The following MGAT4C variants were observed in gnomAD, a reference collection of about 807,000 sequenced individuals.
MGAT4C encodes the protein alpha-1,3-mannosyl-glycoprotein 4-beta-N-acetylglucosaminyltransferase C.
MGAT4C carries 19 observed loss-of-function variants against 40.1 expected under a neutral mutation model. That is an observed-to-expected ratio of 0.47 (90% confidence interval 0.33 to 0.70). The LOEUF is 0.70. Among genes scored for constraint, MGAT4C ranks in the 30% least tolerant of loss-of-function variants. The pLI is 0.02. For missense variants in MGAT4C, 491 were observed against 563.2 expected (o/e 0.87, Z 1.30); for synonymous variants, 181 against 187.1 (o/e 0.97, Z 0.27).
rs1245261308 is a variant in MGAT4C, at chr12:86,303,722, A to C, written c.-57+30343T>G. On this transcript the variant is annotated intron_variant, in intron 4 of 7. Coordinates refer to the MGAT4C transcript ENST00000548651. ...ATTACCTTCTGTATACAGAAACATA[A>C]AAATTAATCCCTTAAAATTATATTA... Among the ~76,000 whole-genome samples, 5 of 150,756 alleles carry C rather than the reference A, an allele frequency of 3.3e-5. 1 individual carries two copies. In the East Asian group the frequency reaches 7.8e-4, roughly 23 times the overall value.
intron 2 of MGAT4C, among the ~76,000 whole-genome samples, chr12:85,999,510 T>C (rs1163625697): frequency 6.6e-6 from 1 of 151,346 alleles, no homozygotes; most frequent in Non-Finnish European, 1.5e-5. Context: ...CTATTCACAA[T>C]AGCCAAGATA....
At chr12:86,813,664 T>G (rs1952522693) in intron 1 of MGAT4C, among the ~76,000 whole-genome samples, 1 of 152,098 alleles carries the variant, frequency 6.6e-6, no homozygotes, top group Non-Finnish European at 1.5e-5. Flanking sequence ...AAAAATTGCC[T>G]TAGGTTTTAA....
rs1378678563 is a variant in MGAT4C, at chr12:86,112,584, T to C, written c.-56-62861A>G. Among the ~76,000 whole-genome samples, 4 of 151,932 alleles carry C rather than the reference T, an allele frequency of 2.6e-5. No homozygotes were observed. In the East Asian group the frequency reaches 7.7e-4, roughly 29 times the overall value. ...TAGAAATAAGAAAAATGGTTTCTAC[T>C]ATATGCTATTTATTTTTAGCAAATG... is the stretch of plus-strand genomic sequence containing the variant. On this transcript the variant is annotated intron_variant, in intron 1 of 4. Coordinates refer to ENST00000611864, the MANE Select transcript of MGAT4C (RefSeq NM_001351288.2).
chr12:86,268,009 AT>A lies in MGAT4C; in HGVS notation c.-57+66055del, dbSNP rs1331007327. On this transcript the variant is annotated intron_variant, in intron 4 of 7. Coordinates refer to the MGAT4C transcript ENST00000548651. ...TTGAAACTCATAGCGACATCCCCAG[AT>A]TCCTGGGGTGAAGTTAGATTTGAAG... is the stretch of plus-strand genomic sequence containing the variant. Among the ~76,000 whole-genome samples the A allele has an allele frequency of 1.1e-4, 16 of 152,238 alleles. No homozygotes were observed. The East Asian group carries it at 2.9e-3, about 28-fold the overall frequency.
chr12:86,360,497 A>G (rs979159321), intron 3 of MGAT4C, among the ~76,000 whole-genome samples: 5 of 152,198 alleles, frequency 3.3e-5, no homozygotes, highest in African/African-American at 1.2e-4. Flanking sequence ...ACAGTCAGGC[A>G]GGAGAAAGAA....
intron 2 of MGAT4C, among the ~76,000 whole-genome samples, chr12:86,540,415 G>A (rs986629692): frequency 6.6e-6 from 1 of 152,168 alleles, no homozygotes; most frequent in African/African-American, 2.4e-5. Flanking sequence ...CTGTATCAGG[G>A]TCAACATCTT....
chr12:86,492,406 G>A (rs1486692338), intron 2 of MGAT4C, among the ~76,000 whole-genome samples: 1 of 151,872 alleles, frequency 6.6e-6, no homozygotes, highest in African/African-American at 2.4e-5. Context: ...ATACTACAAT[G>A]TACAGTAACC....
chr12:86,211,557 G>A (rs1191890450), intron 1 of MGAT4C, among the ~76,000 whole-genome samples: 20 of 151,552 alleles, frequency 1.3e-4, no homozygotes, highest in Admixed American at 1.3e-3. Flanking sequence ...ACTGTGCTGC[G>A]GGCTGGGTGA....
At chr12:86,593,754 G>T (rs1961421992) in intron 2 of MGAT4C, among the ~76,000 whole-genome samples, 1 of 152,048 alleles carries the variant, frequency 6.6e-6, no homozygotes. Context: ...AATAGACTGA[G>T]ATTTTTTTCG....
At chr12:86,596,780 T>C (rs1356313731) in intron 2 of MGAT4C, among the ~76,000 whole-genome samples, 2 of 152,182 alleles carry the variant, frequency 1.3e-5, no homozygotes, top group African/African-American at 4.8e-5. Flanking sequence ...TGGCTATTGA[T>C]GCTACTTTTG....
intron 2 of MGAT4C, among the ~76,000 whole-genome samples, chr12:86,441,230 A>G (rs1222859235): frequency 1.3e-5 from 2 of 152,074 alleles, no homozygotes; most frequent in East Asian, 1.9e-4. Context: ...ACAAGGATAT[A>G]GTAACCAAAA....
intron 1 of MGAT4C, among the ~76,000 whole-genome samples, chr12:86,114,021 G>A (rs566346122): frequency 6.4e-4 from 97 of 151,950 alleles, no homozygotes; most frequent in African/African-American, 2.2e-3. Flanking sequence ...TGATAAGATT[G>A]TGAGTTCTCT....
intron 3 of MGAT4C, among the ~76,000 whole-genome samples, chr12:86,421,235 C>T (rs571254509): frequency 4.5e-4 from 68 of 152,022 alleles, no homozygotes; most frequent in African/African-American, 1.6e-3. Context: ...ATCAATTACA[C>T]AAAAAAAGTG....
At position 86,301,099 on chromosome 12, in the gene MGAT4C, T is replaced by C. The variant is rs138406788; in HGVS notation, c.-57+32966A>G. On this transcript the variant is annotated intron_variant, in intron 4 of 7. Transcript: ENST00000548651. ...CAACCCTTTACAATTTATCAAGTGA[T>C]AGTGCAATGTGTTGGTCCTCTTTAA... 3.0e-3 allele frequency among the ~76,000 whole-genome samples: 452 copies of C among 152,314 alleles called. 2 individuals carry two copies. The highest frequency in any genetic ancestry group is 0.01 in the African/African-American group (431 of 41,572).
chr12:86,377,935 C>T (rs1955861005), intron 3 of MGAT4C, among the ~76,000 whole-genome samples: 1 of 152,128 alleles, frequency 6.6e-6, no homozygotes, highest in African/African-American at 2.4e-5. Context: ...AATATAGATA[C>T]TTTATATAAG....
At chr12:86,711,329 A>G (rs1181614810) in intron 2 of MGAT4C, among the ~76,000 whole-genome samples, 1 of 152,130 alleles carries the variant, frequency 6.6e-6, no homozygotes, top group Non-Finnish European at 1.5e-5. Context: ...CTGAGATGCC[A>G]TCTTAGCTGC....
chr12:86,144,645 G>C (rs953244491), intron 1 of MGAT4C, among the ~76,000 whole-genome samples: 2 of 152,064 alleles, frequency 1.3e-5, no homozygotes, highest in Non-Finnish European at 2.9e-5. Flanking sequence ...CATCACAACT[G>C]TAATGTGTAA....
At chr12:86,706,911 G>A (rs896657346) in intron 2 of MGAT4C, among the ~76,000 whole-genome samples, 12 of 152,230 alleles carry the variant, frequency 7.9e-5, no homozygotes, top group East Asian at 3.9e-4. Context: ...TGCTGTTCTC[G>A]TGATAGTGAA....
At chr12:86,268,150 T>C (rs951979403) in intron 4 of MGAT4C, among the ~76,000 whole-genome samples, 2 of 152,152 alleles carry the variant, frequency 1.3e-5, no homozygotes, top group Admixed American at 1.3e-4. Flanking sequence ...TACAGACTTA[T>C]GGAGTTGTAC....
Sources: gnomAD v4.1 joint callset for allele counts (sites outside exome capture counted in the v4.1 genomes callset) on GRCh38, gnomAD v4.1.1 for gene constraint, MANE v1.5 for transcripts, NCBI Gene and HGNC (gene_info 2026-07-23, HGNC 2026-07-21) for gene names.